Variants in SPATA6 observed in about 807,000 individuals in gnomAD.
The protein encoded by SPATA6 is spermatogenesis-associated protein 6.
Under a neutral mutation model 65.3 loss-of-function variants are expected in SPATA6, and 56 were observed. The observed-to-expected ratio is 0.86, with a 90% CI of 0.69 to 1.07. The LOEUF is 1.07. Ranked by LOEUF, SPATA6 falls within the 50% of genes least tolerant of loss-of-function variation. SPATA6 has a pLI of 0.00. For missense variants in SPATA6, 590 were observed against 594.8 expected, an observed-to-expected ratio of 0.99 and a Z score of 0.08; for synonymous variants, 199 against 213.2, an observed-to-expected ratio of 0.93 and a Z score of 0.58.
chr1:48,436,985 C>T (rs1655000133), intron 3 of SPATA6: 2 of 1,611,124 alleles, frequency 1.2e-6, no homozygotes, highest in Non-Finnish European at 1.7e-6. Context: ...ACTTTCTCTC[C>T]TGCCTTCTTT....
chr1:48,268,441 T>A, the SPATA6 span, among the ~76,000 whole-genome samples: 1 of 152,150 alleles, frequency 6.6e-6, no homozygotes, highest in Admixed American at 6.5e-5. Flanking sequence ...AACATTCATC[T>A]GGCTGAGCTC....
chr1:48,282,372 G>A, the SPATA6 span, among the ~76,000 whole-genome samples: 1 of 152,122 alleles, frequency 6.6e-6, no homozygotes, highest in African/African-American at 2.4e-5. Flanking sequence ...CACAGCAAAA[G>A]AAACTACCAT....
chr1:48,301,003 G>C (rs747628360), intron 12 of SPATA6, among the ~76,000 whole-genome samples: 3 of 151,976 alleles, frequency 2.0e-5, no homozygotes, highest in Non-Finnish European at 4.4e-5. Flanking sequence ...GCCCACTTTC[G>C]CCACTTATAT....
intron 9 of SPATA6, among the ~76,000 whole-genome samples, chr1:48,367,559 T>C (rs1647064807): frequency 6.6e-6 from 1 of 152,178 alleles, no homozygotes; most frequent in African/African-American, 2.4e-5. Flanking sequence ...AATGGCCTTC[T>C]TTGTCTCTTT....
chr1:48,262,668 T>C, the SPATA6 span: 1 of 152,164 alleles, frequency 6.6e-6, no homozygotes, highest in African/African-American at 2.4e-5. Context: ...AATAGTAGGA[T>C]ACAAAATTTG....
At chr1:48,455,114 T>C (rs1656900421) in intron 1 of SPATA6, among the ~76,000 whole-genome samples, 1 of 152,204 alleles carries the variant, frequency 6.6e-6, no homozygotes, top group Non-Finnish European at 1.5e-5. Context: ...TTTCTTGCTT[T>C]GCCTCATTAA....
chr1:48,331,014 C>T (rs1216156040), intron 11 of SPATA6, among the ~76,000 whole-genome samples: 1 of 152,102 alleles, frequency 6.6e-6, no homozygotes, highest in Non-Finnish European at 1.5e-5. Flanking sequence ...AGGCAGTCAA[C>T]CAAACCCACC....
At chr1:48,279,825 AG>A in the SPATA6 span, among the ~76,000 whole-genome samples, 1 of 152,214 alleles carries the variant, frequency 6.6e-6, no homozygotes, top group Non-Finnish European at 1.5e-5. Context: ...CTCTGCACCA[AG>A]TGGACCTAAT....
At chr1:48,390,346 T>C (rs1312051100) in intron 8 of SPATA6, among the ~76,000 whole-genome samples, 1 of 152,148 alleles carries the variant, frequency 6.6e-6, no homozygotes, top group Non-Finnish European at 1.5e-5. Context: ...CATGTTCTCA[T>C]ATGTGGAAGC....
At chr1:48,430,263 G>T (rs1378848817) in intron 3 of SPATA6, among the ~76,000 whole-genome samples, 1 of 152,006 alleles carries the variant, frequency 6.6e-6, no homozygotes, top group African/African-American at 2.4e-5. Context: ...ACTTACAAAA[G>T]GTCTTCAAAA....
chr1:48,413,065 A>AT, intron 4 of SPATA6, 45 bp downstream of exon 4: 3 of 634,072 alleles, frequency 4.7e-6, no homozygotes, highest in Non-Finnish European at 6.8e-6. Context: ...TATTACATCA[A>AT]TTTATGATAT....
chr1:48,261,567 C>T, the SPATA6 span, among the ~76,000 whole-genome samples: 2 of 152,004 alleles, frequency 1.3e-5, no homozygotes, highest in Non-Finnish European at 2.9e-5. Flanking sequence ...GTTCATCTCT[C>T]GACTTTACCT....
chr1:48,343,888 G>A (rs1237599654), intron 11 of SPATA6, among the ~76,000 whole-genome samples: 1 of 151,940 alleles, frequency 6.6e-6, no homozygotes, highest in Non-Finnish European at 1.5e-5. Flanking sequence ...ACCATCAAAG[G>A]AACAGGAAAG....
intron 11 of SPATA6, among the ~76,000 whole-genome samples, chr1:48,341,540 T>G (rs547948575): frequency 3.1e-4 from 47 of 152,332 alleles, no homozygotes; most frequent in African/African-American, 1.1e-3. Flanking sequence ...ACCCTTAGTT[T>G]ACTTAGCAAT....
At chr1:48,261,889 A>C in the SPATA6 span, among the ~76,000 whole-genome samples, 1 of 152,096 alleles carries the variant, frequency 6.6e-6, no homozygotes, top group African/African-American at 2.4e-5. Flanking sequence ...TTAAGATTAC[A>C]AGAAAGGCCA....
the SPATA6 span, among the ~76,000 whole-genome samples, chr1:48,285,786 C>T: frequency 6.6e-6 from 1 of 152,138 alleles, no homozygotes; most frequent in South Asian, 2.1e-4. Flanking sequence ...TAACCAGTCC[C>T]AGTGGGATGA....
intron 7 of SPATA6, chr1:48,399,092 T>C: frequency 2.6e-6 from 1 of 385,194 alleles, no homozygotes; most frequent in Non-Finnish European, 4.6e-6. Flanking sequence ...TGCTATCTAT[T>C]GTATAAGAAA....
chr1:48,422,112 G>A (rs3767620), intron 3 of SPATA6, among the ~76,000 whole-genome samples: 3,757 of 152,212 alleles, frequency 0.025, 102 homozygotes, highest in African/African-American at 0.067. Context: ...GGATGGGAGA[G>A]TATAGAAAGG....
At chr1:48,307,552 T>C (rs1175769380) in intron 11 of SPATA6, among the ~76,000 whole-genome samples, 1 of 151,146 alleles carries the variant, frequency 6.6e-6, no homozygotes, top group African/African-American at 2.4e-5. Context: ...ATTAACTATG[T>C]ATTGGTCTTT....
Sources: gnomAD v4.1 joint callset for allele counts (sites outside exome capture counted in the v4.1 genomes callset) on GRCh38, gnomAD v4.1.1 for gene constraint, MANE v1.5 for transcripts, NCBI Gene and HGNC (gene_info 2026-07-23, HGNC 2026-07-21) for gene names.